Variants in CAMSAP3 observed in about 807,000 individuals in gnomAD.
The protein encoded by CAMSAP3 is calmodulin regulated spectrin associated protein family member 3.
A neutral mutation model predicts 112.5 loss-of-function variants in CAMSAP3; 34 were observed. The observed-to-expected ratio is 0.30, with a 90% CI of 0.23 to 0.40. The LOEUF (loss-of-function observed/expected upper bound fraction) is 0.40. Among genes scored for constraint, CAMSAP3 ranks in the 10% least tolerant of loss-of-function variants. The pLI is 1.00. For missense variants in CAMSAP3, 1,602 were observed against 1,770.3 expected (o/e 0.90, Z 1.71); for synonymous variants, 868 against 799.8 (o/e 1.09, Z -1.44).
intron 14 of CAMSAP3, 148 bp downstream of exon 14, chr19:7,616,770 G>A (rs2030814140): frequency 1.1e-5 from 7 of 623,622 alleles, no homozygotes; most frequent in African/African-American, 3.6e-5. Flanking sequence ...GTGTGGGCAC[G>A]TGTGCATGGG....
At chr19:7,601,405 G>A (rs528642511) in intron 1 of CAMSAP3, among the ~76,000 whole-genome samples, 1 of 152,128 alleles carries the variant, frequency 6.6e-6, no homozygotes, top group East Asian at 1.9e-4. Flanking sequence ...CACAGCCTCC[G>A]TCTCCTGGGT....
Position 7,612,835 on chromosome 19 carries a change from C to A in CAMSAP3, c.2342C>A (p.Pro781Gln), listed in dbSNP as rs773316165. Residue 781 changes from proline (P) to glutamine (Q), a missense_variant, in exon 11 of 17, where the codon CCG becomes CAG. This residue lies in a region of CAMSAP3 where 1,100 missense variants were observed against 1,135.7 expected (regional missense o/e 0.97). Transcript: ENST00000160298. ...GGGCCCAGCCAGTCACCCCGCAGCC[C>A]GAAACACACGCGGCCAGCGGAGCTG... Reference protein sequence around the residue: ...GPGPSQSPRSPKHTRPAELRL... With the variant: ...GPGPSQSPRSQKHTRPAELRL... 2 of 1,580,532 alleles carry A rather than the reference C, an allele frequency of 1.3e-6. No homozygotes were observed. The highest frequency in any genetic ancestry group is 1.4e-5 in the African/African-American group (1 of 73,318).
intron 1 of CAMSAP3, among the ~76,000 whole-genome samples, chr19:7,599,656 CCCACT>C (rs1464695486): frequency 2.2e-5 from 1 of 44,972 alleles, no homozygotes. Context: ...ACCCACCCAC[CCCACT>C]CATCCATCCA....
At chr19:7,597,038 A>G (rs1172071850) in intron 1 of CAMSAP3, among the ~76,000 whole-genome samples, 1 of 152,218 alleles carries the variant, frequency 6.6e-6, no homozygotes, top group African/African-American at 2.4e-5. Flanking sequence ...GGCCAGAGCT[A>G]GGAGTCAGGG....
chr19:7,601,770 A>G (rs1050542718), intron 1 of CAMSAP3, among the ~76,000 whole-genome samples: 1 of 149,684 alleles, frequency 6.7e-6, no homozygotes. Flanking sequence ...TAAATAAAAT[A>G]AAAAGAAAGT....
In CAMSAP3 at chr19:7,596,016, C is replaced by T; in HGVS notation, c.14C>T (p.Ala5Val). The T allele has an allele frequency of 5.2e-6, 6 of 1,151,852 alleles. No homozygotes were observed. Among genetic ancestry groups the T allele is most frequent in the South Asian group, 4.0e-5 (2 of 49,394 alleles). 71.4% of individuals were successfully genotyped at this position (1,151,852 alleles called of 1,614,324 possible). The change falls in exon 1 of 17, where the codon GCG (alanine) becomes GTG (valine). Residue 5 changes from alanine (A) to valine (V), a missense_variant. By Grantham distance (64) the Ala-to-Val change is moderately conservative (BLOSUM62 0). Around this residue, in one of 6 missense-constraint regions of CAMSAP3, gnomAD observed 147 missense variants for 144.6 expected, o/e 1.02. Transcript: ENST00000160298. Reference sequence around the variant, plus strand: ...CCCGGCGCCGCCATGGTGGAGGCGGCGCCCCCCGGGCCCGGGCCGCTGCGG... The same window carrying T: ...CCCGGCGCCGCCATGGTGGAGGCGGTGCCCCCCGGGCCCGGGCCGCTGCGG... MVEAAPPGPGPLRRT... is the reference protein window; with the variant it reads MVEAVPPGPGPLRRT...
At chr19:7,613,206 C>A in intron 11 of CAMSAP3, 43 bp downstream of exon 11, 2 of 48,144 alleles carry the variant, frequency 4.2e-5, no homozygotes, top group Non-Finnish European at 5.8e-5. Flanking sequence ...GGGCCTGGGG[C>A]GGGGGCGGGT....
At chr19:7,596,970 C>A (rs755650497) in intron 1 of CAMSAP3, among the ~76,000 whole-genome samples, 1 of 152,114 alleles carries the variant, frequency 6.6e-6, no homozygotes, top group Non-Finnish European at 1.5e-5. Context: ...TCCCGGGTCC[C>A]CGGGATTAGA....
Position 7,595,899 on chromosome 19 carries a change from G to GCGGCGC in CAMSAP3, c.-103_-102insGGCGCC. The GCGGCGC allele has an allele frequency of 8.1e-6, 4 of 495,038 alleles. No homozygotes were observed. The highest frequency in any genetic ancestry group is 1.0e-5 in the Non-Finnish European group (4 of 383,910). The allele number at this position is 495,038 out of a possible 1,614,324, so 30.7% of individuals were successfully genotyped here. A position where few individuals can be genotyped will look rare whatever the true frequency, so the allele number is the denominator to read the frequency against. ...AGCAGCGGCGGCGGCGGCGGCGGCG[G>GCGGCGC]CAGCGGCGGTAGCAGCAGCGGGCCC... On this transcript the variant is annotated 5_prime_UTR_variant, in exon 1 of 17. Coordinates refer to ENST00000160298, the MANE Select transcript of CAMSAP3 (RefSeq NM_020902.2).
rs773340022 is a variant in CAMSAP3, at chr19:7,610,839, A to C, written c.995-38A>C. On this transcript the variant is annotated intron_variant, in intron 7 of 16. Transcript: ENST00000160298. The surrounding 1 kb of genome is among the most constrained non-coding windows in gnomAD (Gnocchi z 4.9). Reference sequence around the variant, plus strand: ...GGGCCGGGTCGGGGGCGGGTGGGAGAGCCAAACCCCCGCCTGACCCTCTTC... The same window carrying C: ...GGGCCGGGTCGGGGGCGGGTGGGAGCGCCAAACCCCCGCCTGACCCTCTTC... The C allele has an allele frequency of 6.2e-7, 1 of 1,609,596 alleles. No homozygotes were observed. Among genetic ancestry groups the C allele is most frequent in the Non-Finnish European group, 8.5e-7 (1 of 1,178,988 alleles).
At chr19:7,606,156 A>AACCCCCCCC in intron 2 of CAMSAP3, 115 bp from the exon 3 acceptor site, 1 of 224,844 alleles carries the variant, frequency 4.4e-6, no homozygotes, top group Non-Finnish European at 8.5e-6. Context: ...CTCAAGCCCC[A>AACCCCCCCC]CCCCCCCCGT....
intron 1 of CAMSAP3, among the ~76,000 whole-genome samples, chr19:7,600,837 C>A (rs1408967578): frequency 8.4e-6 from 1 of 118,644 alleles, no homozygotes; most frequent in Non-Finnish European, 1.8e-5. Flanking sequence ...TGTCCATCCA[C>A]CTACCCATTC....
At chr19:7,598,420 G>T (rs969188913) in intron 1 of CAMSAP3, among the ~76,000 whole-genome samples, 5 of 152,126 alleles carry the variant, frequency 3.3e-5, no homozygotes, top group Non-Finnish European at 7.4e-5. Flanking sequence ...GGGTACTGGG[G>T]AGCCACGGAC....
Position 7,618,238 on chromosome 19 carries a change from C to T in CAMSAP3, c.*181C>T. The stretch of plus-strand genomic sequence containing the variant: ...GGGGCTGAGCTGGGAGGTTCAGGGA[C>T]TCAGGGCTCAGCTCAGTCCCCTTGT... On this transcript the variant is annotated 3_prime_UTR_variant, in exon 17 of 17. Coordinates refer to ENST00000160298, the MANE Select transcript of CAMSAP3 (RefSeq NM_020902.2). 2 of 634,706 alleles carry T rather than the reference C, an allele frequency of 3.2e-6. No homozygotes were observed. Among genetic ancestry groups the T allele is most frequent in the East Asian group, 2.8e-5 (1 of 36,344 alleles). 39.3% of individuals were successfully genotyped at this position (634,706 alleles called of 1,614,324 possible). A position where few individuals can be genotyped will look rare whatever the true frequency, so the allele number is the denominator to read the frequency against.
rs768873384 is a variant in CAMSAP3, at chr19:7,617,561, A to T, written c.3344A>T (p.Glu1115Val). Residue 1115 changes from glutamate (E) to valine (V), a missense_variant, in exon 16 of 17, where the codon GAA (glutamate) becomes GTA (valine). By Grantham distance (121) the Glu-to-Val change is moderately radical (BLOSUM62 -2). Coordinates refer to ENST00000160298, the MANE Select transcript of CAMSAP3 (RefSeq NM_020902.2). This position sits in a 1 kb window ranked among gnomAD's most constrained non-coding sequence, Gnocchi z 7.5. ...CCTCTAGGTCCACGGCTGTACAAAG[A>T]ACCCAGCGCCAAGTCCAACAAGTTC... Reference protein sequence around the residue: ...PEYTGPRLYKEPSAKSNKFII... With the variant: ...PEYTGPRLYKVPSAKSNKFII... 1 of 1,614,070 alleles carries T rather than the reference A, an allele frequency of 6.2e-7. No individual in the cohort carries two copies. The highest frequency in any genetic ancestry group is 8.5e-7 in the Non-Finnish European group (1 of 1,180,004).
chr19:7,604,372 T>C (rs1247649169), intron 1 of CAMSAP3, among the ~76,000 whole-genome samples: 1 of 152,146 alleles, frequency 6.6e-6, no homozygotes, highest in Non-Finnish European at 1.5e-5. Context: ...ACCATCTCTC[T>C]AAGCCCCAGC....
chr19:7,611,174 G>A lies in CAMSAP3; in HGVS notation c.1123+6G>A. 1 of 1,613,298 alleles carries A rather than the reference G, an allele frequency of 6.2e-7. No homozygotes were observed. Among genetic ancestry groups the A allele is most frequent in the Admixed American group, 1.7e-5 (1 of 60,024 alleles). ...CCCACTCCGAGGATCCACAGGTGAGGAGGGGGTAGGTGGCTTCTGTCACGG... is the reference window on the plus strand; with the variant it reads ...CCCACTCCGAGGATCCACAGGTGAGAAGGGGGTAGGTGGCTTCTGTCACGG... On this transcript the variant is annotated splice_donor_region_variant and intron_variant, in intron 9 of 16. Coordinates refer to ENST00000160298, the MANE Select transcript of CAMSAP3 (RefSeq NM_020902.2). This position sits in a 1 kb window ranked among gnomAD's most constrained non-coding sequence, Gnocchi z 6.9.
chr19:7,606,136 G>GCCCCCCCCCCCCCACCCCCC, intron 2 of CAMSAP3, 135 bp from the exon 3 acceptor site: 2 of 511,800 alleles, frequency 3.9e-6, no homozygotes, highest in Non-Finnish European at 6.8e-6. Flanking sequence ...TGAACCACTG[G>GCCCCCCCCCCCCCACCCCCC]CCCCGCCCCC....
rs1425599058 is a variant in CAMSAP3, at chr19:7,605,589, C to T, written c.402+110C>T. 4.0e-6 allele frequency: 5 copies of T among 1,249,012 alleles called. No homozygotes were observed. In the African/African-American group the frequency reaches 4.7e-5, roughly 12 times the overall value. 77.4% of individuals were successfully genotyped at this position (1,249,012 alleles called of 1,614,324 possible). A position where few individuals can be genotyped will look rare whatever the true frequency, so the allele number is the denominator to read the frequency against. On this transcript the variant is annotated intron_variant, in intron 2 of 16. Transcript: ENST00000160298. ...CAAGTTCCCTCTATCAGTCTTGGCT[C>T]CTTTCAAGCTTTGTCGATTAAGCCT... is the stretch of plus-strand genomic sequence containing the variant.
Sources: allele counts gnomAD v4.1 joint callset (sites outside exome capture counted in the v4.1 genomes callset), GRCh38; gene constraint gnomAD v4.1.1; regional missense constraint gnomAD v4.1.1; non-coding constraint Gnocchi (gnomAD v3.1); transcripts MANE v1.5; gene names NCBI Gene and HGNC (gene_info 2026-07-23, HGNC 2026-07-21).